Variants in UBE3B observed in about 807,000 individuals in gnomAD.
UBE3B encodes the protein ubiquitin protein ligase E3B, also known as ubiquitin-protein ligase E3B.
A neutral mutation model predicts 132.3 loss-of-function variants in UBE3B; 80 were observed. That is an observed-to-expected ratio of 0.60 (90% CI 0.50 to 0.73). The LOEUF (loss-of-function observed/expected upper bound fraction) is 0.73. UBE3B is among the 30% of genes least tolerant of loss of function. The pLI is 0.00. For synonymous variants in UBE3B, 487 were observed against 520.4 expected (o/e 0.94, Z 0.87); for missense variants, 1,196 against 1,362.5 (o/e 0.88, Z 1.92).
At chr12:109,478,155 T>G (rs964138655) in intron 1 of UBE3B, 46 bp downstream of exon 1, 19 of 152,954 alleles carry the variant, frequency 1.2e-4, no homozygotes, top group African/African-American at 4.6e-4. Flanking sequence ...TCTGTGTAAA[T>G]GGAGTAATTA....
downstream of UBE3B, among the ~76,000 whole-genome samples, chr12:109,539,815 C>T (rs149194298): frequency 1.3e-5 from 2 of 152,262 alleles, no homozygotes; most frequent in Non-Finnish European, 2.9e-5. Flanking sequence ...TGTGTGCCCA[C>T]ACCCCAGCTA....
At chr12:109,515,212 C>T (rs1439310673) in intron 18 of UBE3B, among the ~76,000 whole-genome samples, 1 of 151,404 alleles carries the variant, frequency 6.6e-6, no homozygotes, top group Non-Finnish European at 1.5e-5. Flanking sequence ...CGCGACTGGC[C>T]CATCCCCTTT....
the UBE3B span, among the ~76,000 whole-genome samples, chr12:109,543,353 AG>A: frequency 2.8e-5 from 4 of 142,116 alleles, no homozygotes; most frequent in Non-Finnish European, 6.1e-5. Flanking sequence ...GACAGGCTCC[AG>A]GGGAGTGGCT....
chr12:109,532,953 C>G (rs543476177), intron 26 of UBE3B, among the ~76,000 whole-genome samples: 206 of 152,356 alleles, frequency 1.4e-3, no homozygotes, highest in African/African-American at 4.8e-3. Flanking sequence ...GAATAAGGAG[C>G]CGGCAGGATG....
intron 21 of UBE3B, among the ~76,000 whole-genome samples, chr12:109,523,522 T>TGG (rs1351940641): frequency 3.3e-5 from 5 of 152,180 alleles, no homozygotes; most frequent in Non-Finnish European, 5.9e-5. Flanking sequence ...AGGCCTCACT[T>TGG]AGCTGGCTTT....
chr12:109,518,344 C>G (rs1400616717), intron 19 of UBE3B, among the ~76,000 whole-genome samples: 1 of 152,180 alleles, frequency 6.6e-6, no homozygotes. Context: ...CTCCATAACG[C>G]TCTTGAGTTT....
chr12:109,498,047 C>T, intron 10 of UBE3B, 124 bp downstream of exon 10: 1 of 1,304,038 alleles, frequency 7.7e-7, no homozygotes, highest in South Asian at 1.3e-5. Context: ...TCTTTGGGAC[C>T]AGTGGCCGTG....
chr12:109,516,745 C>T lies in UBE3B; in HGVS notation c.1957-20C>T, dbSNP rs1881115616. On this transcript the variant is annotated intron_variant, in intron 18 of 27. Transcript: ENST00000342494. ...CAGTTTGCTGACCCTGTTTTCTGAT[C>T]CCGCCTTTGTTCATTTTAGAGAGTT... 6 of 1,605,902 alleles carry T rather than the reference C, an allele frequency of 3.7e-6. No homozygotes were observed. Among genetic ancestry groups the T allele is most frequent in the Non-Finnish European group, 5.1e-6 (6 of 1,173,958 alleles).
At chr12:109,482,696 T>C (rs11066839) in intron 2 of UBE3B, among the ~76,000 whole-genome samples, 15,673 of 147,174 alleles carry the variant, frequency 0.11, 2,018 homozygotes, top group African/African-American at 0.31. Context: ...GGGTCAGTGC[T>C]GTGTGCTTTA....
At chr12:109,487,658 C>G (rs1022614360) in intron 6 of UBE3B, among the ~76,000 whole-genome samples, 3 of 152,228 alleles carry the variant, frequency 2.0e-5, no homozygotes. Context: ...TGTGTACATT[C>G]CACAACAGAT....
chr12:109,541,939 T>G, the UBE3B span, among the ~76,000 whole-genome samples: 1 of 152,224 alleles, frequency 6.6e-6, no homozygotes, highest in Admixed American at 6.5e-5. Flanking sequence ...GATCTCATCT[T>G]GTGGTCCTTA....
chr12:109,525,524 T>C (rs1178159636), intron 23 of UBE3B, among the ~76,000 whole-genome samples: 1 of 152,200 alleles, frequency 6.6e-6, no homozygotes, highest in Non-Finnish European at 1.5e-5. Flanking sequence ...CTGGGATCAG[T>C]GTGTTCCTTT....
At chr12:109,529,824 G>A in intron 24 of UBE3B, 66 bp from the exon 25 acceptor site, 1 of 1,573,968 alleles carries the variant, frequency 6.4e-7, no homozygotes, top group Non-Finnish European at 8.7e-7. Context: ...CTGTCTTTCA[G>A]CCCATTGGTG....
At chr12:109,516,419 C>T (rs963130158) in intron 18 of UBE3B, among the ~76,000 whole-genome samples, 4 of 152,094 alleles carry the variant, frequency 2.6e-5, no homozygotes, top group African/African-American at 4.8e-5. Flanking sequence ...TCAGGTAATC[C>T]GCCCACCTGG....
Position 109,535,649 on chromosome 12 carries a change from G to A in UBE3B, c.*867G>A, listed in dbSNP as rs1320194150. 2 of 152,140 alleles carry A rather than the reference G, an allele frequency of 1.3e-5. No individual in the cohort carries two copies. Among genetic ancestry groups the A allele is most frequent in the Non-Finnish European group, 2.9e-5 (2 of 68,022 alleles). The allele number at this position is 152,140 out of a possible 1,614,324, so 9.4% of individuals were successfully genotyped here. ...TTATTTGTCTCACTGGTTATCTAAT[G>A]AGGAACAAACACTAACCTAAGGTAC... On this transcript the variant is annotated 3_prime_UTR_variant, in exon 28 of 28. Coordinates refer to ENST00000342494, the MANE Select transcript of UBE3B (RefSeq NM_130466.4).
At chr12:109,490,909 G>T in intron 8 of UBE3B, 136 bp from the exon 9 acceptor site, 1 of 1,100,860 alleles carries the variant, frequency 9.1e-7, no homozygotes, top group Non-Finnish European at 1.3e-6. Context: ...AGCTGGGACT[G>T]TAGGTACAAG....
At chr12:109,520,938 A>G in intron 19 of UBE3B, 2 of 530,788 alleles carry the variant, frequency 3.8e-6, no homozygotes, top group Non-Finnish European at 6.6e-6. Flanking sequence ...CTTGCCAAGG[A>G]GTGATACTGT....
chr12:109,506,112 A>T (rs1335673167), intron 14 of UBE3B, among the ~76,000 whole-genome samples: 1 of 152,210 alleles, frequency 6.6e-6, no homozygotes, highest in Non-Finnish European at 1.5e-5. Context: ...TTGCTTCCTC[A>T]GGGTTCCATT....
chr12:109,542,149 G>C, the UBE3B span, among the ~76,000 whole-genome samples: 10,276 of 152,220 alleles, frequency 0.068, 372 homozygotes, highest in South Asian at 0.11. Flanking sequence ...ATAGGGTGAG[G>C]GGGTGAAAAG....
Sources: allele counts gnomAD v4.1 joint callset (sites outside exome capture counted in the v4.1 genomes callset), GRCh38; gene constraint gnomAD v4.1.1; transcripts MANE v1.5; gene names NCBI Gene and HGNC (gene_info 2026-07-23, HGNC 2026-07-21).